SZT2: variants seen among roughly 807,000 people sequenced by gnomAD.
SZT2 encodes the protein KICSTOR complex protein SZT2.
SZT2 carries 216 observed loss-of-function variants against 404.2 expected under a neutral mutation model. The ratio of observed to expected loss-of-function variants is 0.53; its 90% CI spans 0.48 to 0.60. The LOEUF is 0.60. Among genes scored for constraint, SZT2 ranks in the 20% least tolerant of loss-of-function variants. The pLI is 0.00. For missense variants in SZT2, 3,857 were observed against 4,459.2 expected (o/e 0.86, Z 3.85); for synonymous variants, 1,693 against 1,749.9 (o/e 0.97, Z 0.81).
At chr1:43,395,034 C>T (rs1648826791) in intron 1 of SZT2, among the ~76,000 whole-genome samples, 1 of 152,168 alleles carries the variant, frequency 6.6e-6, no homozygotes, top group Non-Finnish European at 1.5e-5. Flanking sequence ...ATGAGCTAGA[C>T]TTCATTGTGC....
intron 3 of SZT2, 172 bp from the exon 4 acceptor site, chr1:43,404,208 G>C (rs1650021390): frequency 1.6e-6 from 1 of 611,790 alleles, no homozygotes; most frequent in East Asian, 2.8e-5. Context: ...CCCTGGTTTT[G>C]TTGTTTTTGT....
Position 43,441,146 on chromosome 1 carries a change from C to G in SZT2, c.7345-68C>G, listed in dbSNP as rs1289653687. On this transcript the variant is annotated intron_variant, in intron 52 of 71. Transcript: ENST00000634258. This position sits in a 1 kb window ranked among gnomAD's most constrained non-coding sequence, Gnocchi z 4.8. Reference sequence around the variant, plus strand: ...GAATCCTCCTAGCTCACTGCTGTTCCATAGTGCCCCCATCCCACACCTTTC... The same window carrying G: ...GAATCCTCCTAGCTCACTGCTGTTCGATAGTGCCCCCATCCCACACCTTTC... 3 of 1,560,768 alleles carry G rather than the reference C, an allele frequency of 1.9e-6. No homozygotes were observed. In the African/African-American group the frequency reaches 4.1e-5, roughly 21 times the overall value.
chr1:43,419,132 C>T (rs1652040662), intron 7 of SZT2, among the ~76,000 whole-genome samples: 1 of 152,234 alleles, frequency 6.6e-6, no homozygotes, highest in African/African-American at 2.4e-5. Context: ...CTACTCAGCT[C>T]TGCTGTTGAA....
At chr1:43,401,274 T>C (rs1649654832) in intron 1 of SZT2, among the ~76,000 whole-genome samples, 2 of 152,202 alleles carry the variant, frequency 1.3e-5, no homozygotes, top group African/African-American at 4.8e-5. Flanking sequence ...GCACTTCATA[T>C]GCATGATATT....
In SZT2 at chr1:43,442,571, C is replaced by T. The variant is rs768665895; in HGVS notation, c.8104C>T (p.Leu2702Phe). 5.6e-6 allele frequency: 9 copies of T among 1,613,394 alleles called. No individual in the cohort carries two copies. Among genetic ancestry groups the T allele is most frequent in the Non-Finnish European group, 5.9e-6 (7 of 1,179,694 alleles). ...IFCLLSQKLG[L>F]FHHYGQLDFP... ...CTGCCTACTCAGCCAGAAGCTTGGC[C>T]TCTTCCATCATTATGGCCAGTTGGA... Residue 2702 changes from leucine to phenylalanine, a missense_variant, in exon 58 of 72, where the codon CTC becomes TTC. By Grantham distance (22) the Leu-to-Phe change is conservative (BLOSUM62 0). This residue lies in a region of SZT2 where 573 missense variants were observed against 592.4 expected (regional missense o/e 0.97). Transcript: ENST00000634258. The surrounding 1 kb of genome is among the most constrained non-coding windows in gnomAD (Gnocchi z 4.5).
At chr1:43,436,919 A>G (rs1385772655) in intron 42 of SZT2, 1 of 534,712 alleles carries the variant, frequency 1.9e-6, no homozygotes, top group East Asian at 3.1e-5. Context: ...GCCTGCCTTG[A>G]TACCTCTCAT....
In SZT2 at chr1:43,416,592, C is replaced by G; in HGVS notation, c.830C>G (p.Thr277Arg). 1 of 1,598,328 alleles carries G rather than the reference C, an allele frequency of 6.3e-7. No homozygotes were observed. Among genetic ancestry groups the G allele is most frequent in the Non-Finnish European group, 8.5e-7 (1 of 1,179,780 alleles). ...GTACCTGATGTTGCTGTCTGTGAGA[C>G]ACTGCTGAACCAGCTTCGCAGTGGC... ...TSVPDVAVCE[T>R]LLNQLRSGTV... The change falls in exon 7 of 72, where the codon ACA becomes AGA. Residue 277 changes from threonine (T) to arginine (R), a missense_variant. Around this residue, in one of 7 missense-constraint regions of SZT2, gnomAD observed 536 missense variants for 637.4 expected, o/e 0.84. Transcript: ENST00000634258.
chr1:43,417,237 A>G (rs1651819719), intron 7 of SZT2, among the ~76,000 whole-genome samples: 1 of 152,276 alleles, frequency 6.6e-6, no homozygotes, highest in African/African-American at 2.4e-5. Flanking sequence ...GGAGGCTACT[A>G]ATTGCAGTGA....
chr1:43,432,372 G>A lies in SZT2; in HGVS notation c.5375G>A (p.Gly1792Glu), dbSNP rs959466789. 9.3e-6 allele frequency: 15 copies of A among 1,605,556 alleles called. No homozygotes were observed. The highest frequency in any genetic ancestry group is 1.3e-5 in the Non-Finnish European group (15 of 1,176,366). The change falls in exon 37 of 72, where the codon GGG (glycine) becomes GAG (glutamate). Residue 1792 changes from glycine (G) to glutamate (E), a missense_variant. Around this residue, in one of 7 missense-constraint regions of SZT2, gnomAD observed 1,725 missense variants for 1,881.0 expected, o/e 0.92. Coordinates refer to ENST00000634258, the MANE Select transcript of SZT2 (RefSeq NM_001365999.1). ...AAGQQPGGSH[G>E]EPSSAAWAWH... ...GGCCAACAGCCAGGTGGGTCCCATG[G>A]GGAGCCTTCTTCAGCGGCCTGGGCT...
intron 28 of SZT2, chr1:43,428,757 G>A (rs887657481): frequency 2.2e-5 from 10 of 460,212 alleles, no homozygotes; most frequent in East Asian, 1.2e-4. Flanking sequence ...GGTGCTAACC[G>A]TGAACGTAGA....
intron 1 of SZT2, among the ~76,000 whole-genome samples, chr1:43,391,945 G>C (rs1158211086): frequency 1.4e-5 from 1 of 69,720 alleles, no homozygotes; most frequent in African/African-American, 5.9e-5. Context: ...TTAGCTGGGC[G>C]TGGTGGCGGG....
intron 62 of SZT2, 112 bp downstream of exon 62, chr1:43,443,908 G>C (rs1655380418): frequency 1.5e-6 from 2 of 1,355,108 alleles, no homozygotes. Flanking sequence ...GGCTGGGCCT[G>C]TGCATGTTTA....
chr1:43,425,494 A>G lies in SZT2; in HGVS notation c.2666A>G (p.Asn889Ser). 1.2e-6 allele frequency: 2 copies of G among 1,614,098 alleles called. No homozygotes were observed. Among genetic ancestry groups the G allele is most frequent in the Non-Finnish European group, 1.7e-6 (2 of 1,180,016 alleles). The change falls in exon 19 of 72, where the codon AAT (asparagine) becomes AGT (serine). Residue 889 changes from asparagine (N) to serine (S), a missense_variant. Physicochemically the swap from Asn to Ser is conservative, Grantham distance 46. Coordinates refer to ENST00000634258, the MANE Select transcript of SZT2 (RefSeq NM_001365999.1). The surrounding 1 kb of genome is among the most constrained non-coding windows in gnomAD (Gnocchi z 4.3). ...TKDSFSTDDD[N>S]DVEVEALEGD... is the part of the protein sequence containing the mutation. ...TTTAGCTTCTCGACAGATGATGACAATGATGTGGAAGTGGAGGCCCTGGAG... is the reference window on the plus strand; with the variant it reads ...TTTAGCTTCTCGACAGATGATGACAGTGATGTGGAAGTGGAGGCCCTGGAG...
rs202217954 is a variant in SZT2, at chr1:43,448,139, C to T, written c.9624C>T (p.Asp3208=). Residue 3208 remains aspartate (D), a synonymous_variant, in exon 69 of 72, where the codon GAC becomes GAT. Transcript: ENST00000634258. This position sits in a 1 kb window ranked among gnomAD's most constrained non-coding sequence, Gnocchi z 4.2. ...AGCTCTTCCCCAGGCTCACTGCTGA[C>T]ATGCGCCGCTTCCGGAAGCCACCCA... is the stretch of plus-strand genomic sequence containing the variant. ...QRELFPRLTA[D]MRRFRKPPRL... 6 of 1,609,050 alleles carry T rather than the reference C, an allele frequency of 3.7e-6. No individual in the cohort carries two copies. Among genetic ancestry groups the T allele is most frequent in the East Asian group, 4.5e-5 (2 of 44,776 alleles).
chr1:43,391,860 TCACGAG>T (rs1648381358), intron 1 of SZT2, among the ~76,000 whole-genome samples: 1 of 19,804 alleles, frequency 5.0e-5, no homozygotes, highest in African/African-American at 2.2e-4. Flanking sequence ...GGCGGGCGGA[TCACGAG>T]GTCAGGAGAT....
At chr1:43,403,501 G>T in intron 2 of SZT2, 100 bp from the exon 3 acceptor site, 1 of 1,444,212 alleles carries the variant, frequency 6.9e-7, no homozygotes, top group African/African-American at 1.4e-5. Flanking sequence ...ATTGAGGGAG[G>T]TAGAGCCAAT....
Position 43,420,040 on chromosome 1 carries a change from G to A in SZT2, c.1090+96G>A. On this transcript the variant is annotated intron_variant, in intron 8 of 71. Coordinates refer to ENST00000634258, the MANE Select transcript of SZT2 (RefSeq NM_001365999.1). The surrounding 1 kb of genome is among the most constrained non-coding windows in gnomAD (Gnocchi z 5.1). ...GAGGACTGAAAGTGTAACTGGGGCT[G>A]GCTCTGCTGGCACTGTTACCTCACA... 1.3e-6 allele frequency: 2 copies of A among 1,563,658 alleles called. No individual in the cohort carries two copies. The highest frequency in any genetic ancestry group is 4.5e-5 in the East Asian group (2 of 44,570).
chr1:43,452,178 G>T lies in SZT2; in HGVS notation c.*1698G>T. The T allele has an allele frequency of 6.4e-7, 1 of 1,567,650 alleles. No individual in the cohort carries two copies. Among genetic ancestry groups the T allele is most frequent in the Non-Finnish European group, 8.8e-7 (1 of 1,141,952 alleles). ...TCCGCACACCCACAGAGACATGTAA[G>T]TACGTGTGTGTTTCCACCTTTCTCA... On this transcript the variant is annotated 3_prime_UTR_variant, in exon 72 of 72. Coordinates refer to ENST00000634258, the MANE Select transcript of SZT2 (RefSeq NM_001365999.1).
At chr1:43,440,191 C>T (rs1236388681) in intron 51 of SZT2, 143 bp downstream of exon 51, 13 of 1,272,060 alleles carry the variant, frequency 1.0e-5, no homozygotes, top group South Asian at 4.3e-5. Flanking sequence ...CACAGTTGTC[C>T]GTGAGCTTGT....
Sources: allele counts gnomAD v4.1 joint callset (sites outside exome capture counted in the v4.1 genomes callset), GRCh38; gene constraint gnomAD v4.1.1; regional missense constraint gnomAD v4.1.1; non-coding constraint Gnocchi (gnomAD v3.1); transcripts MANE v1.5; gene names NCBI Gene and HGNC (gene_info 2026-07-23, HGNC 2026-07-21).